KCNT2: variants seen among roughly 807,000 people sequenced by gnomAD.
KCNT2 encodes potassium sodium-activated channel subfamily T member 2.
A neutral mutation model predicts 153.8 loss-of-function variants in KCNT2; 67 were observed. The observed-to-expected ratio is 0.44, with a 90% CI of 0.36 to 0.53. KCNT2 has a LOEUF of 0.53. KCNT2 is among the 20% of genes least tolerant of loss of function. KCNT2 has a pLI of 0.00. For missense variants in KCNT2, 975 were observed against 1,354.8 expected (o/e 0.72, Z 4.40); for synonymous variants, 500 against 458.8 (o/e 1.09, Z -1.15).
At chr1:196,356,305 G>A (rs1667171791) in intron 14 of KCNT2, among the ~76,000 whole-genome samples, 1 of 151,658 alleles carries the variant, frequency 6.6e-6, no homozygotes, top group Non-Finnish European at 1.5e-5. Flanking sequence ...CTTAGTCTGA[G>A]TAATTGTCTA....
chr1:196,442,828 C>G (rs75267120), intron 8 of KCNT2, among the ~76,000 whole-genome samples: 1 of 151,620 alleles, frequency 6.6e-6, no homozygotes, highest in Non-Finnish European at 1.5e-5. Flanking sequence ...CAACAAGACA[C>G]GTGGAATATT....
At chr1:196,428,291 T>C (rs1436673341) in intron 9 of KCNT2, 22 bp from the exon 10 acceptor site, 1 of 1,581,580 alleles carries the variant, frequency 6.3e-7, no homozygotes, top group South Asian at 1.1e-5. Context: ...TTTCCACATG[T>C]GAATGAAAAA....
intron 16 of KCNT2, 28 bp from the exon 17 acceptor site, chr1:196,334,088 C>G: frequency 3.3e-6 from 5 of 1,521,668 alleles, no homozygotes; most frequent in Non-Finnish European, 4.5e-6. Context: ...GAAAATTTAT[C>G]AAGGCGTTTG....
intron 1 of KCNT2, among the ~76,000 whole-genome samples, chr1:196,576,998 T>C (rs989366491): frequency 6.6e-6 from 1 of 152,168 alleles, no homozygotes; most frequent in African/African-American, 2.4e-5. Flanking sequence ...CTTGTGATGA[T>C]ACATTGAATA....
chr1:196,469,568 A>T (rs927616188), intron 5 of KCNT2, among the ~76,000 whole-genome samples: 21 of 152,184 alleles, frequency 1.4e-4, no homozygotes, highest in African/African-American at 4.8e-4. Flanking sequence ...CCCTACCCTC[A>T]TAATACAAAC....
At chr1:196,328,034 G>A (rs1664059800) in intron 18 of KCNT2, among the ~76,000 whole-genome samples, 1 of 151,954 alleles carries the variant, frequency 6.6e-6, no homozygotes, top group South Asian at 2.1e-4. Flanking sequence ...ATCATAACAA[G>A]ATAACTAGAC....
intron 22 of KCNT2, among the ~76,000 whole-genome samples, chr1:196,296,521 A>G (rs917008446): frequency 3.9e-5 from 6 of 152,176 alleles, no homozygotes; most frequent in Non-Finnish European, 1.5e-5. Context: ...GGAGAAATTT[A>G]TGCACTGAAA....
intron 13 of KCNT2, among the ~76,000 whole-genome samples, chr1:196,380,125 G>A (rs1374537529): frequency 6.6e-6 from 1 of 152,168 alleles, no homozygotes; most frequent in Non-Finnish European, 1.5e-5. Context: ...TCATGTGTAT[G>A]CCTGTATGTG....
chr1:196,382,082 A>AATTTATTTATTTATTTATTTATTTATTT (rs547804260), intron 13 of KCNT2, among the ~76,000 whole-genome samples: 18 of 143,188 alleles, frequency 1.3e-4, no homozygotes, highest in Non-Finnish European at 2.0e-4. Context: ...TGTTTAACCA[A>AATTTATTTATTTATTTATTTATTTATTT]ATTTATTTAT....
chr1:196,320,296 A>G lies in KCNT2; in HGVS notation c.2277-741T>C, dbSNP rs551648754. On this transcript the variant is annotated intron_variant, in intron 19 of 27. Transcript: ENST00000294725. ...AATTCCTTCATGTATCTATTCACTC[A>G]GCATATATGTATCCAAACATTTTAT... is the stretch of plus-strand genomic sequence containing the variant. 2.9e-4 allele frequency among the ~76,000 whole-genome samples: 44 copies of G among 151,970 alleles called. No homozygotes were observed. In the South Asian group the frequency reaches 8.5e-3, roughly 29 times the overall value.
At chr1:196,516,888 C>T (rs968525438) in intron 1 of KCNT2, among the ~76,000 whole-genome samples, 32 of 152,132 alleles carry the variant, frequency 2.1e-4, no homozygotes, top group African/African-American at 4.8e-5. Flanking sequence ...CTACAGCACC[C>T]TTATGGAAAA....
intron 18 of KCNT2, among the ~76,000 whole-genome samples, chr1:196,329,352 T>C (rs1161434034): frequency 6.6e-6 from 1 of 152,124 alleles, no homozygotes; most frequent in African/African-American, 2.4e-5. Context: ...CCCAGAAATT[T>C]TGCTTCATTA....
At chr1:196,236,522 G>A (rs543045901) in intron 26 of KCNT2, among the ~76,000 whole-genome samples, 1 of 151,460 alleles carries the variant, frequency 6.6e-6, no homozygotes, top group South Asian at 2.1e-4. Flanking sequence ...TGCTAGAAAT[G>A]TGTCTAAAAA....
intron 3 of KCNT2, among the ~76,000 whole-genome samples, chr1:196,487,131 T>C (rs1679485807): frequency 6.6e-6 from 1 of 151,910 alleles, no homozygotes; most frequent in Non-Finnish European, 1.5e-5. Flanking sequence ...TTCCACGGCA[T>C]AGAGTCGAGT....
At chr1:196,525,216 G>A (rs915318833) in intron 1 of KCNT2, among the ~76,000 whole-genome samples, 1 of 151,816 alleles carries the variant, frequency 6.6e-6, no homozygotes, top group Non-Finnish European at 1.5e-5. Context: ...GTAGATTTAC[G>A]TAAAGCAAAT....
In KCNT2 at chr1:196,469,039, T is replaced by C; in HGVS notation, c.414A>G (p.Ile138Met). ...CATTAATTATTTCCAAGATGAAGGG[T>C]ATTCGTAAAATCTGTTCCCAGATGT... ...KGNIWEQILR[I>M]PFILEIINAV... The change falls in exon 6 of 28, where the codon ATA becomes ATG. Residue 138 changes from isoleucine to methionine, a missense_variant. Ile to Met is a conservative substitution (Grantham distance 10, BLOSUM62 1). This residue lies in a region of KCNT2 where 140 missense variants were observed against 216.0 expected (regional missense o/e 0.65). Transcript: ENST00000294725. The C allele has an allele frequency of 6.2e-7, 1 of 1,601,080 alleles. No homozygotes were observed.
chr1:196,420,764 C>T (rs900612938), intron 12 of KCNT2, among the ~76,000 whole-genome samples: 2 of 151,928 alleles, frequency 1.3e-5, no homozygotes, highest in East Asian at 1.9e-4. Context: ...AATCATATCA[C>T]GTTCAGTGAT....
intron 19 of KCNT2, among the ~76,000 whole-genome samples, chr1:196,320,726 A>C (rs1335256918): frequency 6.6e-6 from 1 of 151,406 alleles, no homozygotes; most frequent in Non-Finnish European, 1.5e-5. Context: ...AAAAAAAAAA[A>C]CTTGTAAAGA....
chr1:196,522,797 C>T (rs1653621758), intron 1 of KCNT2, among the ~76,000 whole-genome samples: 1 of 152,012 alleles, frequency 6.6e-6, no homozygotes, highest in Non-Finnish European at 1.5e-5. Context: ...ACGCACTAAT[C>T]AGCATGTTGT....
Sources: allele counts gnomAD v4.1 joint callset (sites outside exome capture counted in the v4.1 genomes callset), GRCh38; gene constraint gnomAD v4.1.1; regional missense constraint gnomAD v4.1.1; transcripts MANE v1.5; gene names NCBI Gene and HGNC (gene_info 2026-07-23, HGNC 2026-07-21).